The following ARVCF variants were observed in gnomAD, a reference collection of about 807,000 sequenced individuals.
ARVCF encodes splicing regulator ARVCF.
In ARVCF, 66 loss-of-function variants were observed where a neutral mutation model predicts 90.9. The ratio of observed to expected loss-of-function variants is 0.73; its 90% CI spans 0.60 to 0.89. The LOEUF (loss-of-function observed/expected upper bound fraction) is 0.89, where lower values mean the gene tolerates loss of function less well. ARVCF is among the 40% of genes least tolerant of loss of function. The pLI is 0.00. For missense variants in ARVCF, 1,469 were observed against 1,382.3 expected (o/e 1.06, Z -1.00); for synonymous variants, 653 against 603.4 (o/e 1.08, Z -1.21).
chr22:20,001,961 G>A (rs1944461222), intron 2 of ARVCF, among the ~76,000 whole-genome samples: 1 of 152,184 alleles, frequency 6.6e-6, no homozygotes, highest in African/African-American at 2.4e-5. Context: ...CAGCAAACAG[G>A]AGAGATGACA....
chr22:19,987,948 G>C (rs1473987926), intron 3 of ARVCF, among the ~76,000 whole-genome samples: 5 of 152,162 alleles, frequency 3.3e-5, no homozygotes, highest in Admixed American at 6.5e-5. Flanking sequence ...GAAGGGCCAG[G>C]CTGGAGCCAC....
At chr22:19,993,894 A>T (rs1357408249) in intron 2 of ARVCF, among the ~76,000 whole-genome samples, 2 of 152,190 alleles carry the variant, frequency 1.3e-5, no homozygotes, top group Non-Finnish European at 2.9e-5. Flanking sequence ...CCCCAGCCAC[A>T]ATGGACATTG....
intron 1 of ARVCF, among the ~76,000 whole-genome samples, chr22:20,014,647 C>T (rs1230365168): frequency 6.6e-6 from 1 of 152,240 alleles, no homozygotes; most frequent in Non-Finnish European, 1.5e-5. Flanking sequence ...GCCCTGTCTA[C>T]AGAATGGGCC....
chr22:19,973,535 G>A (rs1601574961), intron 13 of ARVCF, 108 bp downstream of exon 13: 4 of 1,496,816 alleles, frequency 2.7e-6, no homozygotes, highest in Non-Finnish European at 3.6e-6. Flanking sequence ...AAGCGAGAGG[G>A]CCGGGGCCTG....
At chr22:19,987,227 C>A (rs1601626313) in intron 3 of ARVCF, 1 of 366,188 alleles carries the variant, frequency 2.7e-6, no homozygotes, top group East Asian at 4.0e-5. Flanking sequence ...TGGCGGCGGT[C>A]ACGGCGAGCA....
rs1942861068 is a variant in ARVCF at position 19,972,364 on chromosome 22, C to T, written c.2689G>A (p.Gly897Ser). 1 of 1,613,730 alleles carries T rather than the reference C, an allele frequency of 6.2e-7. No individual in the cohort carries two copies. Among genetic ancestry groups the T allele is most frequent in the Non-Finnish European group, 8.5e-7 (1 of 1,180,000 alleles). Residue 897 changes from glycine (G) to serine (S), a missense_variant, in exon 17 of 20, where the codon GGC becomes AGC. Coordinates refer to ENST00000263207, the MANE Select transcript of ARVCF (RefSeq NM_001670.3). ...ACACTGCATCTGCACTCACCTGGGCCCAGCGCATCCATGGGGATCACATCC... is the reference window on the plus strand; with the variant it reads ...ACACTGCATCTGCACTCACCTGGGCTCAGCGCATCCATGGGGATCACATCC... ...SRDVIPMDALGPDGYSTVDRR... is the reference protein window; with the variant it reads ...SRDVIPMDALSPDGYSTVDRR...
chr22:19,968,429 G>C (rs145653431), downstream of ARVCF: 14 of 1,105,360 alleles, frequency 1.3e-5, no homozygotes, highest in Middle Eastern at 2.8e-4. Flanking sequence ...CAGGGGCTAG[G>C]CACAGGCGTG....
intron 1 of ARVCF, among the ~76,000 whole-genome samples, chr22:20,011,859 CT>C (rs545096334): frequency 2.8e-4 from 42 of 147,830 alleles, no homozygotes; most frequent in South Asian, 1.7e-3. Context: ...AACCATGTGA[CT>C]TTTTTTTTTT....
At chr22:20,004,687 T>C (rs971920806) in intron 2 of ARVCF, among the ~76,000 whole-genome samples, 1 of 152,090 alleles carries the variant, frequency 6.6e-6, no homozygotes, top group Non-Finnish European at 1.5e-5. Context: ...GGTATTAGCA[T>C]AAGGACAGAC....
chr22:19,986,369 G>C (rs1269941764), intron 3 of ARVCF, among the ~76,000 whole-genome samples: 1 of 152,176 alleles, frequency 6.6e-6, no homozygotes, highest in South Asian at 2.1e-4. Flanking sequence ...CAGTTTCCCT[G>C]CCTGTTACTG....
Position 19,971,197 on chromosome 22 carries a change from A to G in ARVCF, c.*12+19T>C. The G allele has an allele frequency of 1.9e-6, 3 of 1,551,670 alleles. No homozygotes were observed. Among genetic ancestry groups the G allele is most frequent in the Non-Finnish European group, 2.6e-6 (3 of 1,147,030 alleles). On this transcript the variant is annotated intron_variant, in intron 19 of 19. Coordinates refer to ENST00000263207, the MANE Select transcript of ARVCF (RefSeq NM_001670.3). ...GAGGGCAGGAACAGGTGGACGAACA[A>G]CCAGATGAGAGAACGTACCAGGCAT...
At chr22:20,016,175 C>T (rs1273178201) in intron 1 of ARVCF, among the ~76,000 whole-genome samples, 1 of 152,202 alleles carries the variant, frequency 6.6e-6, no homozygotes, top group Non-Finnish European at 1.5e-5. Flanking sequence ...AAGTTCCCGG[C>T]CTGCCGCCCC....
chr22:19,973,795 T>C lies in ARVCF; in HGVS notation c.2089-2A>G. The C allele has an allele frequency of 6.2e-7, 1 of 1,602,746 alleles. No homozygotes were observed. The highest frequency in any genetic ancestry group is 8.5e-7 in the Non-Finnish European group (1 of 1,177,870). ...TGTGGCGCGGATGTACGTGGCCCAC[T>C]GCGGAGGCGGGGAGAGGGTTGCTCA... On this transcript the variant is annotated splice_acceptor_variant, in intron 12 of 19. Transcript: ENST00000263207. LOFTEE classifies it high-confidence loss of function.
chr22:19,998,832 G>A (rs1350898734), intron 2 of ARVCF, among the ~76,000 whole-genome samples: 1 of 152,158 alleles, frequency 6.6e-6, no homozygotes, highest in African/African-American at 2.4e-5. Context: ...CAGGTGTGCC[G>A]AGAGGACTGG....
At chr22:19,968,497 T>C (rs371134244), downstream of ARVCF, 42 of 1,598,084 alleles carry the variant, frequency 2.6e-5, no homozygotes, top group Non-Finnish European at 3.5e-5. Context: ...TCTGGGCACC[T>C]CTGACCCTCA....
Position 19,980,142 on chromosome 22 carries a change from T to C in ARVCF, c.997A>G (p.Met333Val), listed in dbSNP as rs1943409928. 2 of 1,592,834 alleles carry C rather than the reference T, an allele frequency of 1.3e-6. No individual in the cohort carries two copies. The highest frequency in any genetic ancestry group is 2.2e-5 in the East Asian group (1 of 44,494). The stretch of plus-strand genomic sequence containing the variant: ...CGCACCAGCCGGTCCAGGCTGCCCA[T>C]GCTGCCCCGTTCAGGCTGGGCCAGG... ...APLAQPERGS[M>V]GSLDRLVRRS... Residue 333 changes from methionine (M) to valine (V), a missense_variant, in exon 6 of 20, where the codon ATG becomes GTG. Physicochemically the swap from Met to Val is conservative, Grantham distance 21 (BLOSUM62 1). Coordinates refer to ENST00000263207, the MANE Select transcript of ARVCF (RefSeq NM_001670.3).
chr22:19,997,963 C>T (rs1220703532), intron 2 of ARVCF, among the ~76,000 whole-genome samples: 1 of 152,192 alleles, frequency 6.6e-6, no homozygotes, highest in Non-Finnish European at 1.5e-5. Flanking sequence ...TGTAAAAGGC[C>T]CAGACATGGA....
intron 3 of ARVCF, among the ~76,000 whole-genome samples, chr22:19,987,976 C>CA (rs1369456606): frequency 2.6e-5 from 4 of 152,182 alleles, no homozygotes; most frequent in African/African-American, 9.7e-5. Flanking sequence ...TGTCAAACCC[C>CA]ACAAAGGCCA....
At chr22:20,007,997 G>C (rs1601681575) in intron 2 of ARVCF, among the ~76,000 whole-genome samples, 1 of 150,596 alleles carries the variant, frequency 6.6e-6, no homozygotes, top group East Asian at 2.0e-4. Flanking sequence ...TACACAGAGA[G>C]ACGGAATATC....
Sources: allele counts gnomAD v4.1 joint callset (sites outside exome capture counted in the v4.1 genomes callset), GRCh38; gene constraint gnomAD v4.1.1; transcripts MANE v1.5; gene names NCBI Gene and HGNC (gene_info 2026-07-23, HGNC 2026-07-21).